Variants in DCC observed in about 807,000 individuals in gnomAD.
The protein encoded by DCC is netrin receptor DCC.
A neutral mutation model predicts 172.5 loss-of-function variants in DCC; 58 were observed. The observed-to-expected ratio is 0.34, with a 90% CI of 0.27 to 0.42. DCC has a LOEUF of 0.42. Among genes scored for constraint, DCC ranks in the 10% least tolerant of loss-of-function variants. The pLI, the probability that DCC is intolerant of heterozygous loss-of-function variation, is 1.00. For missense variants in DCC, 1,740 were observed against 1,791.0 expected (o/e 0.97, Z 0.51); for synonymous variants, 709 against 644.5 (o/e 1.10, Z -1.52).
At chr18:52,692,595 T>A (rs1434804060) in intron 1 of DCC, among the ~76,000 whole-genome samples, 1 of 151,778 alleles carries the variant, frequency 6.6e-6, no homozygotes, top group East Asian at 1.9e-4. Context: ...CCATGCCCAG[T>A]TAATTTTTTG....
chr18:53,051,795 C>G (rs945719141), intron 5 of DCC, among the ~76,000 whole-genome samples: 1 of 152,012 alleles, frequency 6.6e-6, no homozygotes, highest in African/African-American at 2.4e-5. Flanking sequence ...TACGCCTCAT[C>G]TTGTATCTTA....
intron 1 of DCC, among the ~76,000 whole-genome samples, chr18:52,407,934 C>T (rs1986709165): frequency 6.6e-6 from 1 of 152,058 alleles, no homozygotes. Context: ...TCTTGCCTTA[C>T]TCCATCCAAT....
At position 52,598,457 on chromosome 18, in the gene DCC, G is replaced by T. The variant is rs118146891; in HGVS notation, c.92-153597G>T. Among the ~76,000 whole-genome samples the T allele has an allele frequency of 3.0e-3, 454 of 152,260 alleles. 1 individual carries two copies. The highest frequency in any genetic ancestry group is 4.4e-3 in the Non-Finnish European group (301 of 68,026). On this transcript the variant is annotated intron_variant, in intron 1 of 28. Transcript: ENST00000442544. ...AAAATAGTCTAAGAATTGCATGGAG[G>T]CCCAAGAATGCATGGAGTCTCAGAT...
chr18:53,462,224 A>G (rs1204524773), intron 24 of DCC, among the ~76,000 whole-genome samples: 1 of 152,160 alleles, frequency 6.6e-6, no homozygotes, highest in Non-Finnish European at 1.5e-5. Context: ...GTACTGGTTC[A>G]TGGCCTGTTA....
chr18:53,036,357 T>C (rs1441899137), intron 5 of DCC, among the ~76,000 whole-genome samples: 6 of 152,142 alleles, frequency 3.9e-5, no homozygotes, highest in South Asian at 2.1e-4. Context: ...TGATTTTATC[T>C]GCAAGCAACA....
At chr18:53,199,909 A>G (rs912881926) in intron 9 of DCC, among the ~76,000 whole-genome samples, 7 of 152,214 alleles carry the variant, frequency 4.6e-5, no homozygotes, top group African/African-American at 1.7e-4. Context: ...AAATCAGATC[A>G]TAAAATAAAT....
chr18:53,036,596 T>C (rs2042095941), intron 5 of DCC, among the ~76,000 whole-genome samples: 1 of 152,050 alleles, frequency 6.6e-6, no homozygotes. Context: ...TGACTTCATG[T>C]GATTTCAACA....
At position 53,499,426 on chromosome 18, in the gene DCC, C is replaced by G. The variant is rs200534862; in HGVS notation, c.4027C>G (p.Arg1343Gly). ...TACVRPTHPL[R>G]SFANPLLPPP... ...TTGTGTTCGACCAACTCACCCACTC[C>G]GCAGCTTTGCTAATCCTTTGCTACC... Residue 1343 changes from arginine (R) to glycine (G), a missense_variant, in exon 27 of 29, where the codon CGC (arginine) becomes GGC (glycine). Transcript: ENST00000442544. The G allele has an allele frequency of 1.2e-6, 2 of 1,614,096 alleles. No individual in the cohort carries two copies. The highest frequency in any genetic ancestry group is 1.7e-6 in the Non-Finnish European group (2 of 1,180,008).
intron 5 of DCC, among the ~76,000 whole-genome samples, chr18:52,926,912 C>T (rs200883624): frequency 0.043 from 888 of 20,458 alleles, 17 homozygotes; most frequent in African/African-American, 0.1. Flanking sequence ...TGTATATATA[C>T]GTATACATAT....
intron 1 of DCC, among the ~76,000 whole-genome samples, chr18:52,718,626 C>T (rs1029750346): frequency 1.3e-5 from 2 of 152,154 alleles, no homozygotes; most frequent in Non-Finnish European, 2.9e-5. Flanking sequence ...AGCTTCCTGT[C>T]ATCTACTGGA....
intron 22 of DCC, 129 bp from the exon 23 acceptor site, chr18:53,450,371 A>G: frequency 2.2e-6 from 2 of 926,858 alleles, no homozygotes; most frequent in Admixed American, 1.9e-5. Flanking sequence ...GCTTCCCTCG[A>G]ACTCCCATCA....
chr18:53,012,121 G>A (rs1254376362), intron 5 of DCC, among the ~76,000 whole-genome samples: 1 of 151,806 alleles, frequency 6.6e-6, no homozygotes, highest in Non-Finnish European at 1.5e-5. Flanking sequence ...TATCACTTTG[G>A]AAAACTCTTT....
chr18:53,237,139 T>C (rs1200754975), intron 12 of DCC: 1 of 153,012 alleles, frequency 6.5e-6, no homozygotes, highest in East Asian at 1.9e-4. Context: ...TATATGATCA[T>C]TATATGTATG....
chr18:53,479,420 T>C (rs978525915), intron 25 of DCC, among the ~76,000 whole-genome samples: 1 of 152,186 alleles, frequency 6.6e-6, no homozygotes, highest in African/African-American at 2.4e-5. Context: ...AATTAAAAAG[T>C]TGTTAATGAA....
chr18:52,362,749 G>T (rs1198281049), intron 1 of DCC, among the ~76,000 whole-genome samples: 1 of 151,884 alleles, frequency 6.6e-6, no homozygotes, highest in Non-Finnish European at 1.5e-5. Flanking sequence ...AGTGGGAGCA[G>T]AATCAAACAA....
intron 1 of DCC, among the ~76,000 whole-genome samples, chr18:52,438,463 C>T (rs537556867): frequency 3.0e-4 from 46 of 152,266 alleles, no homozygotes; most frequent in African/African-American, 1.0e-3. Context: ...TAATTTTTCA[C>T]ATTAACATAG....
At chr18:52,501,218 C>G (rs1303986770) in intron 1 of DCC, among the ~76,000 whole-genome samples, 1 of 152,128 alleles carries the variant, frequency 6.6e-6, no homozygotes, top group Non-Finnish European at 1.5e-5. Flanking sequence ...TGATAAGCAA[C>G]AGCCGTCTTA....
rs1491328655 is a variant in DCC at position 53,351,334 on chromosome 18, A to AGT, written c.2359+11430_2359+11431dup. On this transcript the variant is annotated intron_variant, in intron 15 of 28. Transcript: ENST00000442544. Reference sequence around the variant, plus strand: ...ATATATACACTGTATATATATATACAGTGTATATATATATACACAGTATAT... The same window carrying AGT: ...ATATATACACTGTATATATATATACAGTGTGTATATATATATACACAGTATAT... Among the ~76,000 whole-genome samples, 3 of 17,068 alleles carry AGT rather than the reference A, an allele frequency of 1.8e-4. No individual in the cohort carries two copies. The East Asian group carries it at 4.7e-3, about 27-fold the overall frequency. The allele number at this position is 17,068 out of a possible 152,430, so 11.2% of individuals were successfully genotyped here. A position where few individuals can be genotyped will look rare whatever the true frequency, so the allele number is the denominator to read the frequency against.
chr18:53,390,894 C>T (rs1047435780), intron 16 of DCC, among the ~76,000 whole-genome samples: 1 of 152,138 alleles, frequency 6.6e-6, no homozygotes, highest in Non-Finnish European at 1.5e-5. Flanking sequence ...AGACTAAAAA[C>T]TTAGCTAATT....
Sources: allele counts gnomAD v4.1 joint callset (sites outside exome capture counted in the v4.1 genomes callset), GRCh38; gene constraint gnomAD v4.1.1; transcripts MANE v1.5; gene names NCBI Gene and HGNC (gene_info 2026-07-23, HGNC 2026-07-21).